The following SHTN1 variants were observed in gnomAD, a reference collection of about 807,000 sequenced individuals.
The protein encoded by SHTN1 is shootin 1.
A neutral mutation model predicts 83.1 loss-of-function variants in SHTN1; 42 were observed. That is an observed-to-expected ratio of 0.51 (90% CI 0.39 to 0.65). The LOEUF (loss-of-function observed/expected upper bound fraction) is 0.65. SHTN1 is among the 30% of genes least tolerant of loss of function. The pLI is 0.00. For synonymous variants in SHTN1, 224 were observed against 247.7 expected (o/e 0.90, Z 0.90); for missense variants, 622 against 737.8 (o/e 0.84, Z 1.82).
rs34102272 is a variant in SHTN1 at position 117,020,334 on chromosome 10, T to TA, written c.-123+28110dup. 7.2e-3 allele frequency among the ~76,000 whole-genome samples: 977 copies of TA among 134,874 alleles called. 7 individuals carry two copies. The highest frequency in any genetic ancestry group is 0.023 in the Middle Eastern group (6 of 264). 88.5% of individuals were successfully genotyped at this position (134,874 alleles called of 152,430 possible). A position where few individuals can be genotyped will look rare whatever the true frequency, so the allele number is the denominator to read the frequency against. ...GTGAAACCCTGTCTCTAATAAAAAT[T>TA]AAAAAAAAAAAAAAATTAGCCAGGC... On this transcript the variant is annotated intron_variant, in intron 2 of 17. Transcript: ENST00000392901.
rs190505264 is a variant in SHTN1, at chr10:116,969,315, C to T, written c.112-603G>A. On this transcript the variant is annotated intron_variant, in intron 2 of 16. Transcript: ENST00000355371. ...AATTAGCCAGGCGTGGTGGTGCGCA[C>T]CTGTAATCCCAGCTACTCGGGAGGC... 2.6e-3 allele frequency among the ~76,000 whole-genome samples: 403 copies of T among 152,180 alleles called. 3 individuals are homozygous for T. Among genetic ancestry groups the T allele is most frequent in the Non-Finnish European group, 3.1e-3 (213 of 68,022 alleles).
chr10:116,944,774 C>T, intron 8 of SHTN1, 150 bp downstream of exon 8: 1 of 607,930 alleles, frequency 1.6e-6, no homozygotes, highest in Non-Finnish European at 2.9e-6. Context: ...GCCTGTAATC[C>T]CAGCTACTCG....
chr10:116,921,375 G>C, intron 12 of SHTN1, 59 bp downstream of exon 12: 1 of 1,214,788 alleles, frequency 8.2e-7, no homozygotes, highest in Non-Finnish European at 1.2e-6. Context: ...TAACAAATAT[G>C]TGAATTGCCC....
chr10:116,953,088 T>C (rs1317244299), intron 5 of SHTN1, among the ~76,000 whole-genome samples: 1 of 152,230 alleles, frequency 6.6e-6, no homozygotes, highest in Admixed American at 6.5e-5. Flanking sequence ...TCCTTTCTTC[T>C]TTATACTTCC....
intron 16 of SHTN1, among the ~76,000 whole-genome samples, chr10:116,890,835 G>A (rs1267469451): frequency 6.6e-6 from 1 of 152,226 alleles, no homozygotes; most frequent in Non-Finnish European, 1.5e-5. Context: ...CCATGCCAAC[G>A]CTGAACTTTA....
At chr10:117,067,789 A>G (rs1053507533) in intron 1 of SHTN1, among the ~76,000 whole-genome samples, 1 of 152,176 alleles carries the variant, frequency 6.6e-6, no homozygotes, top group Non-Finnish European at 1.5e-5. Context: ...GACTGAAAAT[A>G]TATCTAGGAG....
intron 2 of SHTN1, among the ~76,000 whole-genome samples, chr10:117,029,245 T>C (rs1006986977): frequency 6.6e-6 from 1 of 152,240 alleles, no homozygotes; most frequent in Non-Finnish European, 1.5e-5. Context: ...CCTTTTGGAA[T>C]GGGAATATTT....
intron 8 of SHTN1, among the ~76,000 whole-genome samples, chr10:116,941,832 A>C (rs763157738): frequency 6.6e-6 from 1 of 152,178 alleles, no homozygotes; most frequent in Non-Finnish European, 1.5e-5. Context: ...ATACTAAAAC[A>C]CTAACATTTT....
At chr10:117,038,209 T>C (rs978644766) in intron 2 of SHTN1, among the ~76,000 whole-genome samples, 2 of 151,800 alleles carry the variant, frequency 1.3e-5, no homozygotes, top group African/African-American at 2.4e-5. Context: ...GGCATGATCA[T>C]AGCTCACTGC....
At chr10:117,035,239 A>G (rs1852477319) in intron 2 of SHTN1, among the ~76,000 whole-genome samples, 1 of 152,222 alleles carries the variant, frequency 6.6e-6, no homozygotes, top group Admixed American at 6.5e-5. Flanking sequence ...TGGGGAAAAG[A>G]CAGTCTCTTC....
At chr10:117,015,284 T>TG (rs1852166349) in intron 2 of SHTN1, among the ~76,000 whole-genome samples, 1 of 152,194 alleles carries the variant, frequency 6.6e-6, no homozygotes, top group Non-Finnish European at 1.5e-5. Flanking sequence ...CTGAAGGCTT[T>TG]GGAAATTGTA....
rs147357966 is a variant in SHTN1 at position 116,965,226 on chromosome 10, G to A, written c.172+3426C>T. On this transcript the variant is annotated intron_variant, in intron 3 of 16. Transcript: ENST00000355371. ...TTCCTAACCCTTAGTCAGCTGTTCC[G>A]TAGGCCTAGGCCGGGTGTGGTGGCT... is the stretch of plus-strand genomic sequence containing the variant. Among the ~76,000 whole-genome samples the A allele has an allele frequency of 2.7e-3, 403 of 152,070 alleles. 2 individuals are homozygous for A. The highest frequency in any genetic ancestry group is 9.1e-3 in the African/African-American group (376 of 41,526).
intron 12 of SHTN1, among the ~76,000 whole-genome samples, chr10:116,920,949 T>C (rs192789304): frequency 4.6e-5 from 7 of 152,258 alleles, no homozygotes; most frequent in Middle Eastern, 3.4e-3. Context: ...TTCCACAATC[T>C]CCTAGCACTG....
At chr10:117,106,064 C>T (rs774781779) in intron 1 of SHTN1, among the ~76,000 whole-genome samples, 2 of 151,870 alleles carry the variant, frequency 1.3e-5, no homozygotes, top group Admixed American at 6.6e-5. Flanking sequence ...GAGCCGAGGT[C>T]GCACCACTGC....
intron 7 of SHTN1, 110 bp from the exon 8 acceptor site, chr10:116,945,128 C>T (rs1251777964): frequency 1.4e-6 from 1 of 698,530 alleles, no homozygotes; most frequent in Non-Finnish European, 2.5e-6. Flanking sequence ...ATACAGGTAC[C>T]CTCATGCATT....
chr10:116,894,153 G>T (rs1467576646), intron 16 of SHTN1, among the ~76,000 whole-genome samples: 11 of 152,082 alleles, frequency 7.2e-5, no homozygotes, highest in Non-Finnish European at 1.6e-4. Context: ...TTTATCTTTT[G>T]TCAACTACCC....
intron 1 of SHTN1, among the ~76,000 whole-genome samples, chr10:117,083,729 T>A (rs1270063434): frequency 6.6e-6 from 1 of 152,180 alleles, no homozygotes; most frequent in African/African-American, 2.4e-5. Flanking sequence ...GAGGCTTTGC[T>A]CGTTTCTTTT....
At position 117,101,469 on chromosome 10, in the gene SHTN1, A is replaced by G. The variant is rs17095683; in HGVS notation, c.-189+24838T>C. Among the ~76,000 whole-genome samples the G allele has an allele frequency of 0.011, 1,730 of 152,332 alleles. 44 individuals carry two copies. The East Asian group carries it at 0.12, about 10-fold the overall frequency. On this transcript the variant is annotated intron_variant, in intron 1 of 17. Transcript: ENST00000392901. ...GGAATAGCCAGAGCCATTGTCCAGG[A>G]AGCCAAAACATTACTGCATCTAGGA...
At chr10:117,079,480 A>C (rs1170506969) in intron 1 of SHTN1, among the ~76,000 whole-genome samples, 1 of 88,842 alleles carries the variant, frequency 1.1e-5, no homozygotes, top group Non-Finnish European at 2.2e-5. Context: ...TATTGTGAAT[A>C]ATGCCGCAAT....
Sources: gnomAD v4.1 joint callset for allele counts (sites outside exome capture counted in the v4.1 genomes callset) on GRCh38, gnomAD v4.1.1 for gene constraint, MANE v1.5 for transcripts, NCBI Gene and HGNC (gene_info 2026-07-23, HGNC 2026-07-21) for gene names.